CRHBP: variants seen among roughly 807,000 people sequenced by gnomAD.
CRHBP encodes corticotropin releasing hormone binding protein, also known as corticotropin-releasing hormone-binding protein.
Under a neutral mutation model 34.9 loss-of-function variants are expected in CRHBP, and 19 were observed. That is an observed-to-expected ratio of 0.55 (90% CI 0.38 to 0.80). CRHBP has a LOEUF of 0.80. Ranked by LOEUF, CRHBP falls within the 30% of genes least tolerant of loss-of-function variation. The pLI, the probability that CRHBP is intolerant of heterozygous loss-of-function variation, is 0.00. For missense variants in CRHBP, 328 were observed against 409.2 expected, an observed-to-expected ratio of 0.80 and a Z score of 1.71; for synonymous variants, 154 against 153.4, an observed-to-expected ratio of 1.00 and a Z score of -0.03.
At chr5:76,966,661 C>A (rs868123273) in intron 6 of CRHBP, among the ~76,000 whole-genome samples, 8 of 152,176 alleles carry the variant, frequency 5.3e-5, no homozygotes, top group South Asian at 2.1e-4. Context: ...AGTTTCCCTG[C>A]CACCAGGCCT....
intron 3 of CRHBP, among the ~76,000 whole-genome samples, chr5:76,978,152 A>G (rs1243848598): frequency 1.3e-5 from 2 of 152,204 alleles, no homozygotes; most frequent in Non-Finnish European, 2.9e-5. Context: ...ATTAAAAAAA[A>G]GGTGCAAGAT....
intron 3 of CRHBP, among the ~76,000 whole-genome samples, chr5:76,977,797 G>C (rs1000814329): frequency 6.6e-6 from 1 of 152,200 alleles, no homozygotes; most frequent in African/African-American, 2.4e-5. Flanking sequence ...TAGTGAAGAA[G>C]GCATGTTGAA....
chr5:76,966,585 C>A (rs1214553132), intron 6 of CRHBP, among the ~76,000 whole-genome samples: 9 of 152,074 alleles, frequency 5.9e-5, no homozygotes, highest in African/African-American at 1.9e-4. Context: ...GGCTTAGGTT[C>A]CCTGCCCCCA....
chr5:76,956,847 G>A lies in CRHBP; in HGVS notation c.544+984G>A, dbSNP rs577937001. ...CATTTTTGCATACAGTAGAATTAAT[G>A]GTAACACTTCATGCGGCTGAAAGAT... On this transcript the variant is annotated intron_variant, in intron 4 of 6. Transcript: ENST00000274368. Among the ~76,000 whole-genome samples, 412 of 152,250 alleles carry A rather than the reference G, an allele frequency of 2.7e-3. 2 individuals carry two copies. The highest frequency in any genetic ancestry group is 9.5e-3 in the African/African-American group (393 of 41,544).
downstream of CRHBP, among the ~76,000 whole-genome samples, chr5:76,970,939 C>A (rs1271051403): frequency 6.6e-6 from 1 of 152,150 alleles, no homozygotes; most frequent in Non-Finnish European, 1.5e-5. Context: ...AGGTTACATT[C>A]TTTGAGAGGA....
chr5:76,959,947 A>G (rs1445766126), intron 5 of CRHBP, among the ~76,000 whole-genome samples: 1 of 152,214 alleles, frequency 6.6e-6, no homozygotes, highest in Non-Finnish European at 1.5e-5. Flanking sequence ...TTTAGAGCCT[A>G]CAGTGTTCTA....
At chr5:76,965,345 G>C (rs1357102461) in intron 6 of CRHBP, among the ~76,000 whole-genome samples, 2 of 152,194 alleles carry the variant, frequency 1.3e-5, no homozygotes, top group African/African-American at 4.8e-5. Context: ...TGAGATTTAA[G>C]GTAGGAGTGG....
At chr5:76,962,248 G>A (rs1745789176) in intron 5 of CRHBP, among the ~76,000 whole-genome samples, 2 of 152,070 alleles carry the variant, frequency 1.3e-5, no homozygotes, top group Non-Finnish European at 2.9e-5. Context: ...CAAAATTGTG[G>A]GGACCAGTAC....
At chr5:76,963,060 A>C (rs934168929) in intron 5 of CRHBP, among the ~76,000 whole-genome samples, 14 of 152,174 alleles carry the variant, frequency 9.2e-5, no homozygotes. Context: ...GAGTTTACAG[A>C]TTTCCATTTT....
At chr5:76,958,923 A>G (rs989400928) in intron 5 of CRHBP, 34 bp downstream of exon 5, 10 of 1,609,240 alleles carry the variant, frequency 6.2e-6, no homozygotes, top group Non-Finnish European at 8.5e-6. Context: ...ACCGTTTGAT[A>G]AGGCCACAAC....
intron 5 of CRHBP, among the ~76,000 whole-genome samples, chr5:76,961,804 A>G (rs1745780136): frequency 6.6e-6 from 1 of 152,018 alleles, no homozygotes; most frequent in Admixed American, 6.6e-5. Flanking sequence ...CCCAGGCTGG[A>G]GTGCAGTGAC....
intron 5 of CRHBP, 151 bp downstream of exon 5, chr5:76,959,040 G>A (rs747352315): frequency 7.0e-6 from 5 of 716,894 alleles, no homozygotes; most frequent in Non-Finnish European, 1.1e-5. Context: ...TGCCCTAGCT[G>A]CTTTGACTAA....
chr5:76,956,860 G>A (rs145285762), intron 4 of CRHBP, among the ~76,000 whole-genome samples: 464 of 152,278 alleles, frequency 3.0e-3, no homozygotes, highest in African/African-American at 0.011. Context: ...AACACTTCAT[G>A]CGGCTGAAAG....
At chr5:76,970,495 G>A (rs1446707852), downstream of CRHBP, among the ~76,000 whole-genome samples, 1 of 140,730 alleles carries the variant, frequency 7.1e-6, no homozygotes, top group Non-Finnish European at 1.5e-5. Context: ...TTTGGAATGA[G>A]TGACTACTTT....
chr5:76,959,020 C>G (rs904380054), intron 5 of CRHBP, 131 bp downstream of exon 5: 5 of 909,334 alleles, frequency 5.5e-6, no homozygotes, highest in Non-Finnish European at 7.8e-6. Flanking sequence ...TCTTAAATCT[C>G]AAATGTGTTT....
Position 76,968,938 on chromosome 5 carries a change from A to G in CRHBP, c.*53A>G. ...ATAGCTAAGTGAGTTTTTAATGGCC[A>G]TTGTGTATGATTTTGATGCACAACT... is the stretch of plus-strand genomic sequence containing the variant. On this transcript the variant is annotated 3_prime_UTR_variant, in exon 7 of 7. Coordinates refer to ENST00000274368, the MANE Select transcript of CRHBP (RefSeq NM_001882.4). 6.3e-7 allele frequency: 1 copy of G among 1,581,812 alleles called. No individual in the cohort carries two copies. The highest frequency in any genetic ancestry group is 8.6e-7 in the Non-Finnish European group (1 of 1,160,520).
chr5:76,963,255 A>G, intron 5 of CRHBP, 88 bp from the exon 6 acceptor site: 1 of 982,676 alleles, frequency 1.0e-6, no homozygotes, highest in Non-Finnish European at 1.6e-6. Context: ...GGGCTGATTG[A>G]GTGAATTCAT....
intron 5 of CRHBP, among the ~76,000 whole-genome samples, chr5:76,959,483 C>T (rs559413152): frequency 8.5e-5 from 13 of 152,280 alleles, no homozygotes; most frequent in African/African-American, 3.1e-4. Flanking sequence ...TCTGTATGGA[C>T]CTTAAAATTC....
intron 1 of CRHBP, 102 bp from the exon 2 acceptor site, chr5:76,953,499 T>C: frequency 8.4e-7 from 1 of 1,185,980 alleles, no homozygotes; most frequent in Non-Finnish European, 1.2e-6. Flanking sequence ...CCCCTCTCTC[T>C]TTATTCGCTA....
Sources: gnomAD v4.1 joint callset for allele counts (sites outside exome capture counted in the v4.1 genomes callset) on GRCh38, gnomAD v4.1.1 for gene constraint, MANE v1.5 for transcripts, NCBI Gene and HGNC (gene_info 2026-07-23, HGNC 2026-07-21) for gene names.